MYH15: variants seen among roughly 807,000 people sequenced by gnomAD.
The protein encoded by MYH15 is myosin heavy chain 15.
MYH15 carries 227 observed loss-of-function variants against 240.5 expected under a neutral mutation model. The ratio of observed to expected loss-of-function variants is 0.94; its 90% CI spans 0.85 to 1.05. The LOEUF (loss-of-function observed/expected upper bound fraction) is 1.05, where lower values mean the gene tolerates loss of function less well. MYH15 is among the 50% of genes least tolerant of loss of function. MYH15 has a pLI of 0.00. For missense variants in MYH15, 2,217 were observed against 2,247.5 expected, an observed-to-expected ratio of 0.99 and a Z score of 0.27; for synonymous variants, 785 against 796.7, an observed-to-expected ratio of 0.99 and a Z score of 0.25.
At chr3:108,412,162 C>A (rs1299465441) in intron 30 of MYH15, among the ~76,000 whole-genome samples, 1 of 152,174 alleles carries the variant, frequency 6.6e-6, no homozygotes, top group African/African-American at 2.4e-5. Context: ...GGCTGTGTCC[C>A]CACCAAAATC....
At chr3:108,455,091 C>T (rs567775428) in intron 20 of MYH15, among the ~76,000 whole-genome samples, 23 of 152,232 alleles carry the variant, frequency 1.5e-4, no homozygotes, top group African/African-American at 4.3e-4. Flanking sequence ...AGGTCTTTAT[C>T]CTGAATTTTT....
chr3:108,464,900 C>T, intron 14 of MYH15, 86 bp from the exon 15 acceptor site: 6 of 1,217,202 alleles, frequency 4.9e-6, no homozygotes, highest in Non-Finnish European at 6.7e-6. Context: ...TTCCCAGGAA[C>T]CTAATCAGTT....
upstream of MYH15, among the ~76,000 whole-genome samples, chr3:108,515,295 T>A (rs896251135): frequency 6.6e-6 from 1 of 152,142 alleles, no homozygotes; most frequent in Non-Finnish European, 1.5e-5. Context: ...GTTGGCATTG[T>A]GGTGTGGTCA....
chr3:108,399,662 C>A (rs957497081), intron 33 of MYH15, among the ~76,000 whole-genome samples: 3 of 152,162 alleles, frequency 2.0e-5, no homozygotes, highest in Admixed American at 2.0e-4. Flanking sequence ...CGTAATATTT[C>A]AACTACTTTC....
In MYH15 at chr3:108,428,031, G is replaced by T. The variant is rs188353969; in HGVS notation, c.3702+461C>A. ...GTGATGAACCTTTCTTATAGTACTGGCTGATTAAAAAGATGCCAGAGGACT... is the reference window on the plus strand; with the variant it reads ...GTGATGAACCTTTCTTATAGTACTGTCTGATTAAAAAGATGCCAGAGGACT... On this transcript the variant is annotated intron_variant, in intron 27 of 40. Coordinates refer to ENST00000693548, the MANE Select transcript of MYH15 (RefSeq NM_014981.3). Among the ~76,000 whole-genome samples the T allele has an allele frequency of 1.9e-3, 290 of 150,654 alleles. 6 individuals carry two copies. The South Asian group carries it at 0.042, about 22-fold the overall frequency.
intron 40 of MYH15, among the ~76,000 whole-genome samples, chr3:108,382,084 C>CT (rs1441642514): frequency 2.6e-5 from 4 of 152,210 alleles, no homozygotes; most frequent in Non-Finnish European, 5.9e-5. Context: ...TGCATGGCAT[C>CT]TGTTTTGAAG....
chr3:108,522,224 C>A (rs1576281931), intron 1 of MYH15, among the ~76,000 whole-genome samples: 1 of 151,670 alleles, frequency 6.6e-6, no homozygotes, highest in Admixed American at 6.6e-5. Context: ...TCAACAACAA[C>A]AAAAAAATCC....
chr3:108,462,415 T>C (rs1157395135), intron 16 of MYH15, among the ~76,000 whole-genome samples: 3 of 152,030 alleles, frequency 2.0e-5, no homozygotes, highest in Non-Finnish European at 4.4e-5. Context: ...ATTTGTAAAA[T>C]CAGGGATGCT....
intron 2 of MYH15, among the ~76,000 whole-genome samples, chr3:108,505,470 A>G (rs2083468421): frequency 6.6e-6 from 1 of 152,014 alleles, no homozygotes; most frequent in Admixed American, 6.6e-5. Context: ...GGATTTTGCC[A>G]TGTTGCCCAG....
chr3:108,481,862 T>C (rs2107593931), intron 11 of MYH15, among the ~76,000 whole-genome samples: 1 of 152,288 alleles, frequency 6.6e-6, no homozygotes, highest in Admixed American at 6.5e-5. Flanking sequence ...TTAAGGAAGC[T>C]GTGACAGGAA....
At position 108,470,745 on chromosome 3, in the gene MYH15, G is replaced by A; in HGVS notation, c.1336C>T (p.Gln446Ter). 1.9e-6 allele frequency: 3 copies of A among 1,613,816 alleles called. No homozygotes were observed. Among genetic ancestry groups the A allele is most frequent in the Admixed American group, 1.7e-5 (1 of 59,988 alleles). Residue 446 changes from glutamine to a stop codon, truncating the protein, a stop_gained, in exon 13 of 41, where the codon CAG (glutamine) becomes TAG (stop). Coordinates refer to ENST00000693548, the MANE Select transcript of MYH15 (RefSeq NM_014981.3). LOFTEE classifies it high-confidence loss of function. ...NRALDAKLSR[Q>*]FFIGILDITG... ...ATGTCAAGAATGCCAATGAAGAACTGCCTTGACAGCTTGGCATCCAGGGCC... is the reference window on the plus strand; with the variant it reads ...ATGTCAAGAATGCCAATGAAGAACTACCTTGACAGCTTGGCATCCAGGGCC...
chr3:108,421,909 C>T (rs1456723), intron 27 of MYH15, among the ~76,000 whole-genome samples: 35,841 of 152,018 alleles, frequency 0.24, 4,784 homozygotes, highest in Non-Finnish European at 0.3. Context: ...GCTTTTCATG[C>T]CTGGAGAAAA....
intron 27 of MYH15, 147 bp from the exon 28 acceptor site, chr3:108,421,361 T>C (rs1449338402): frequency 5.1e-6 from 5 of 977,348 alleles, no homozygotes; most frequent in Non-Finnish European, 7.4e-6. Context: ...GATCACATCT[T>C]CTGATTTCAG....
At chr3:108,438,826 C>G (rs2082862102) in intron 24 of MYH15, among the ~76,000 whole-genome samples, 1 of 152,070 alleles carries the variant, frequency 6.6e-6, no homozygotes, top group African/African-American at 2.4e-5. Flanking sequence ...ATTATAGCAG[C>G]CTGAATGGAC....
chr3:108,466,068 A>C (rs923289468), intron 14 of MYH15, among the ~76,000 whole-genome samples: 3 of 152,250 alleles, frequency 2.0e-5, no homozygotes, highest in Non-Finnish European at 4.4e-5. Context: ...AGCATGCAAC[A>C]ACATGTAAAC....
rs1329423054 is a variant in MYH15, at chr3:108,499,398, A to G, written c.524+57T>C. The G allele has an allele frequency of 1.4e-5, 21 of 1,511,472 alleles. No homozygotes were observed. The East Asian group carries it at 4.7e-4, about 34-fold the overall frequency. 93.6% of individuals were successfully genotyped at this position (1,511,472 alleles called of 1,614,324 possible). ...GTTTTATTCCCAGTGAAATGGAGGT[A>G]TCTATTTCACTGAAACTTACTTCAG... On this transcript the variant is annotated intron_variant, in intron 5 of 40. Transcript: ENST00000693548.
In MYH15 at chr3:108,391,876, C is replaced by T; in HGVS notation, c.5314G>A (p.Glu1772Lys). 1 of 1,614,102 alleles carries T rather than the reference C, an allele frequency of 6.2e-7. No homozygotes were observed. Among genetic ancestry groups the T allele is most frequent in the Non-Finnish European group, 8.5e-7 (1 of 1,179,980 alleles). The change falls in exon 37 of 41, where the codon GAA becomes AAA. Residue 1772 changes from glutamate to lysine, a missense_variant. Coordinates refer to ENST00000693548, the MANE Select transcript of MYH15 (RefSeq NM_014981.3). ...KKKQDTIAHL[E>K]RTRENMEQTI... ...TGCTCCATATTTTCTCTTGTCCTTT[C>T]CAAGTGGGCAATGGTGTCTTGCTTC...
upstream of MYH15, among the ~76,000 whole-genome samples, chr3:108,515,229 C>T (rs2083551905): frequency 6.6e-6 from 1 of 152,102 alleles, no homozygotes; most frequent in Non-Finnish European, 1.5e-5. Context: ...GATTTAGATG[C>T]CACTCTCCAT....
At chr3:108,486,130 A>G (rs2083303600) in intron 10 of MYH15, among the ~76,000 whole-genome samples, 1 of 152,250 alleles carries the variant, frequency 6.6e-6, no homozygotes, top group South Asian at 2.1e-4. Flanking sequence ...TGACCATACA[A>G]AAGCAGCTGC....
Sources: gnomAD v4.1 joint callset for allele counts (sites outside exome capture counted in the v4.1 genomes callset) on GRCh38, gnomAD v4.1.1 for gene constraint, MANE v1.5 for transcripts, NCBI Gene and HGNC (gene_info 2026-07-23, HGNC 2026-07-21) for gene names.